GPBP1L1: variants seen among roughly 807,000 people sequenced by gnomAD.
GPBP1L1 encodes the protein GC-rich promoter binding protein 1 like 1, also known as vasculin-like protein 1.
Under a neutral mutation model 52.5 loss-of-function variants are expected in GPBP1L1, and 23 were observed. The observed-to-expected ratio is 0.44, with a 90% confidence interval of 0.32 to 0.62. The LOEUF (loss-of-function observed/expected upper bound fraction) is 0.62, where lower values mean the gene tolerates loss of function less well. Ranked by LOEUF, GPBP1L1 falls within the 20% of genes least tolerant of loss-of-function variation. GPBP1L1 has a pLI of 0.06. For missense variants in GPBP1L1, 596 were observed against 579.3 expected (o/e 1.03, Z -0.30); for synonymous variants, 243 against 203.1 (o/e 1.20, Z -1.67).
In GPBP1L1 at chr1:45,647,303, C is replaced by CGT. The variant is rs1334148433; in HGVS notation, c.478-4805_478-4804insAC. ...TAATGTCCTGGTTATCTTCTCCCTA[C>CGT]CGCTTTTATCTGAACCTTTCCTTTC... On this transcript the variant is annotated intron_variant, in intron 6 of 12. Coordinates refer to ENST00000355105, the MANE Select transcript of GPBP1L1 (RefSeq NM_021639.5). Among the ~76,000 whole-genome samples, 12 of 152,068 alleles carry CGT rather than the reference C, an allele frequency of 7.9e-5. No homozygotes were observed. The East Asian group carries it at 2.3e-3, about 29-fold the overall frequency.
chr1:45,639,705 G>A (rs934496240), intron 8 of GPBP1L1, among the ~76,000 whole-genome samples: 10 of 151,674 alleles, frequency 6.6e-5, no homozygotes, highest in Admixed American at 4.6e-4. Flanking sequence ...GTGAAACCCC[G>A]TCTCTACTAA....
At chr1:45,667,172 T>A (rs11211157) in intron 2 of GPBP1L1, among the ~76,000 whole-genome samples, 1 of 151,814 alleles carries the variant, frequency 6.6e-6, no homozygotes, top group African/African-American at 2.4e-5. Flanking sequence ...CACACTTTTT[T>A]AATTGCTTAT....
chr1:45,645,578 C>T (rs1644733369), intron 6 of GPBP1L1, among the ~76,000 whole-genome samples: 2 of 152,070 alleles, frequency 1.3e-5, no homozygotes, highest in South Asian at 2.1e-4. Context: ...ATACTATGTC[C>T]AGATTGTGAG....
At chr1:45,646,953 A>G (rs1313168797) in intron 6 of GPBP1L1, among the ~76,000 whole-genome samples, 1 of 151,998 alleles carries the variant, frequency 6.6e-6, no homozygotes, top group Non-Finnish European at 1.5e-5. Flanking sequence ...CTTTTCTGCC[A>G]AACTTTTTTT....
chr1:45,662,735 C>A (rs1231916637), intron 2 of GPBP1L1, among the ~76,000 whole-genome samples: 1 of 152,078 alleles, frequency 6.6e-6, no homozygotes, highest in Non-Finnish European at 1.5e-5. Context: ...ACTTATTGCT[C>A]TTTTTATAAA....
At chr1:45,681,426 G>A (rs2148521914) in intron 2 of GPBP1L1, among the ~76,000 whole-genome samples, 1 of 152,296 alleles carries the variant, frequency 6.6e-6, no homozygotes, top group East Asian at 1.9e-4. Flanking sequence ...GAAAAAAACT[G>A]AGGAGAAATA....
chr1:45,636,138 G>A (rs367592339), intron 8 of GPBP1L1, among the ~76,000 whole-genome samples: 5 of 151,950 alleles, frequency 3.3e-5, no homozygotes, highest in African/African-American at 1.2e-4. Context: ...TATTACAAAG[G>A]CCAGCTCTAA....
intron 2 of GPBP1L1, among the ~76,000 whole-genome samples, chr1:45,669,573 T>C (rs1645049758): frequency 6.6e-6 from 1 of 152,210 alleles, no homozygotes; most frequent in Non-Finnish European, 1.5e-5. Context: ...AGACATAGTT[T>C]AGTCATTTGA....
intron 8 of GPBP1L1, chr1:45,635,593 T>C (rs1288200143): frequency 6.6e-6 from 1 of 152,244 alleles, no homozygotes; most frequent in Admixed American, 6.5e-5. Context: ...ATGAGATAGC[T>C]AGACTACCCC....
At chr1:45,676,522 A>G (rs1645140802) in intron 2 of GPBP1L1, among the ~76,000 whole-genome samples, 1 of 151,768 alleles carries the variant, frequency 6.6e-6, no homozygotes, top group African/African-American at 2.4e-5. Context: ...CATCCTGGCT[A>G]ACATGGTGAA....
chr1:45,654,876 T>G (rs1339940180), intron 5 of GPBP1L1, 47 bp from the exon 6 acceptor site: 1 of 1,573,028 alleles, frequency 6.4e-7, no homozygotes, highest in Admixed American at 1.9e-5. Context: ...GCTTCCTGAT[T>G]TGGTTTACGG....
At chr1:45,657,696 CA>C (rs1170269950) in intron 4 of GPBP1L1, among the ~76,000 whole-genome samples, 1 of 151,812 alleles carries the variant, frequency 6.6e-6, no homozygotes, top group Non-Finnish European at 1.5e-5. Flanking sequence ...ACAAAAAACC[CA>C]AAAAAGTTAG....
intron 11 of GPBP1L1, 49 bp from the exon 12 acceptor site, chr1:45,629,727 T>G: frequency 2.5e-6 from 3 of 1,180,530 alleles, no homozygotes. Context: ...TCACTAAGCC[T>G]AAGTGAACAG....
chr1:45,638,442 T>A (rs1320664924), intron 8 of GPBP1L1, among the ~76,000 whole-genome samples: 1 of 152,244 alleles, frequency 6.6e-6, no homozygotes, highest in Non-Finnish European at 1.5e-5. Flanking sequence ...GTTATTTTCC[T>A]CAACTTGTTA....
chr1:45,633,904 C>T, intron 9 of GPBP1L1, 192 bp downstream of exon 9: 1 of 682,974 alleles, frequency 1.5e-6, no homozygotes, highest in African/African-American at 1.8e-5. Flanking sequence ...TGACCTTGGT[C>T]CACCACAGAG....
intron 2 of GPBP1L1, among the ~76,000 whole-genome samples, chr1:45,683,191 T>C (rs960926519): frequency 2.0e-5 from 3 of 148,614 alleles, no homozygotes; most frequent in Non-Finnish European, 4.5e-5. Context: ...TTGCCTAAAT[T>C]TGAATATAGG....
intron 8 of GPBP1L1, among the ~76,000 whole-genome samples, chr1:45,636,520 A>G (rs1644596717): frequency 6.6e-6 from 1 of 152,162 alleles, no homozygotes; most frequent in African/African-American, 2.4e-5. Context: ...TACCAGCCAT[A>G]CCGAACCAAT....
chr1:45,663,253 G>T (rs1644968755), intron 2 of GPBP1L1, among the ~76,000 whole-genome samples: 1 of 152,126 alleles, frequency 6.6e-6, no homozygotes, highest in Non-Finnish European at 1.5e-5. Context: ...CAGAGAACCT[G>T]AAGTTCAAGA....
At chr1:45,662,131 T>C (rs1055767598) in intron 2 of GPBP1L1, among the ~76,000 whole-genome samples, 1 of 152,158 alleles carries the variant, frequency 6.6e-6, no homozygotes, top group Non-Finnish European at 1.5e-5. Context: ...CAACATTCTT[T>C]CAGGGGATAC....
Sources: gnomAD v4.1 joint callset for allele counts (sites outside exome capture counted in the v4.1 genomes callset) on GRCh38, gnomAD v4.1.1 for gene constraint, MANE v1.5 for transcripts, NCBI Gene and HGNC (gene_info 2026-07-23, HGNC 2026-07-21) for gene names.